The following DNAJC5B variants were observed in gnomAD, a reference collection of about 807,000 sequenced individuals.
DNAJC5B encodes the protein dnaJ homolog subfamily C member 5B.
DNAJC5B carries 23 observed loss-of-function variants against 24.7 expected under a neutral mutation model. The observed-to-expected ratio is 0.93, with a 90% CI of 0.67 to 1.32. The LOEUF is 1.32. Among genes scored for constraint, DNAJC5B ranks in the 40% most tolerant of loss-of-function variants. DNAJC5B has a pLI of 0.00. For missense variants in DNAJC5B, 238 were observed against 240.8 expected, an observed-to-expected ratio of 0.99 and a Z score of 0.08; for synonymous variants, 101 against 90.1, an observed-to-expected ratio of 1.12 and a Z score of -0.68.
intron 1 of DNAJC5B, among the ~76,000 whole-genome samples, chr8:66,043,157 A>C (rs1806650575): frequency 6.6e-6 from 1 of 152,196 alleles, no homozygotes; most frequent in Admixed American, 6.5e-5. Flanking sequence ...TTGGGTTAAT[A>C]AATAGTGAGC....
intron 2 of DNAJC5B, 56 bp downstream of exon 2, chr8:66,043,667 C>T (rs539599396): frequency 1.3e-5 from 2 of 152,140 alleles, no homozygotes; most frequent in African/African-American, 4.8e-5. Context: ...ACATCTATTT[C>T]CAGACCAGTT....
intron 5 of DNAJC5B, among the ~76,000 whole-genome samples, chr8:66,095,161 T>C (rs1338721398): frequency 1.3e-5 from 2 of 152,110 alleles, no homozygotes; most frequent in African/African-American, 4.8e-5. Flanking sequence ...TTGGAGAGTT[T>C]GTGTAATACT....
intron 3 of DNAJC5B, among the ~76,000 whole-genome samples, chr8:66,075,802 G>A (rs1293255619): frequency 2.6e-5 from 4 of 152,164 alleles, no homozygotes; most frequent in Admixed American, 2.6e-4. Flanking sequence ...AAATAGATGT[G>A]ATTTGTTCCA....
At chr8:66,081,988 T>C (rs2128964989) in intron 5 of DNAJC5B, among the ~76,000 whole-genome samples, 1 of 151,966 alleles carries the variant, frequency 6.6e-6, no homozygotes, top group East Asian at 1.9e-4. Flanking sequence ...GGTTAAGGAG[T>C]AATGTATGCA....
chr8:66,057,814 G>T (rs1333286258), intron 3 of DNAJC5B: 1 of 152,216 alleles, frequency 6.6e-6, no homozygotes, highest in East Asian at 1.9e-4. Flanking sequence ...AGAAAATTCT[G>T]TATCTGGTGA....
chr8:66,078,629 T>TG (rs1338470795), intron 4 of DNAJC5B, among the ~76,000 whole-genome samples: 1 of 152,156 alleles, frequency 6.6e-6, no homozygotes, highest in Non-Finnish European at 1.5e-5. Context: ...AGGAGTTTCT[T>TG]GGGGCAATGG....
At chr8:66,032,364 C>A (rs1806378035) in intron 1 of DNAJC5B, among the ~76,000 whole-genome samples, 1 of 152,264 alleles carries the variant, frequency 6.6e-6, no homozygotes, top group Non-Finnish European at 1.5e-5. Context: ...GAAGGCTCCC[C>A]TTTCCTTTGC....
At chr8:66,068,754 T>TA (rs1486139537) in intron 3 of DNAJC5B, among the ~76,000 whole-genome samples, 4 of 152,002 alleles carry the variant, frequency 2.6e-5, no homozygotes. Flanking sequence ...GCAAGTAAAA[T>TA]AAAGACAAAG....
intron 2 of DNAJC5B, among the ~76,000 whole-genome samples, chr8:66,051,250 C>A (rs1373156228): frequency 6.6e-6 from 1 of 152,124 alleles, no homozygotes; most frequent in African/African-American, 2.4e-5. Flanking sequence ...AGGATTGATT[C>A]TCAACAATTC....
At chr8:66,015,075 A>G in the DNAJC5B span, among the ~76,000 whole-genome samples, 3 of 152,208 alleles carry the variant, frequency 2.0e-5, no homozygotes, top group Non-Finnish European at 2.9e-5. Flanking sequence ...GTAAGCCAGA[A>G]ACACAGCTGG....
chr8:66,019,599 A>C (rs886862326), upstream of DNAJC5B, among the ~76,000 whole-genome samples: 1 of 152,254 alleles, frequency 6.6e-6, no homozygotes, highest in Non-Finnish European at 1.5e-5. Context: ...TTAATAATAA[A>C]AAATACCTTT....
At chr8:66,018,761 T>A (rs1474522864), upstream of DNAJC5B, among the ~76,000 whole-genome samples, 7 of 151,910 alleles carry the variant, frequency 4.6e-5, no homozygotes, top group South Asian at 4.1e-4. Context: ...ATAAAGTAGG[T>A]GATTCTGGTG....
At chr8:66,020,626 G>C (rs1806090753), upstream of DNAJC5B, among the ~76,000 whole-genome samples, 2 of 101,152 alleles carry the variant, frequency 2.0e-5, no homozygotes, top group Non-Finnish European at 3.6e-5. Flanking sequence ...GTGTGTGTGT[G>C]TGTGTGTGTG....
At chr8:66,061,791 T>C (rs1807088200) in intron 3 of DNAJC5B, among the ~76,000 whole-genome samples, 1 of 152,150 alleles carries the variant, frequency 6.6e-6, no homozygotes, top group Non-Finnish European at 1.5e-5. Flanking sequence ...AATTTTTAGA[T>C]GCCAAGTTAA....
chr8:66,029,510 A>T (rs1452646855), intron 1 of DNAJC5B, among the ~76,000 whole-genome samples: 1 of 152,218 alleles, frequency 6.6e-6, no homozygotes, highest in Non-Finnish European at 1.5e-5. Flanking sequence ...CAGTGATGAG[A>T]TAACATTTGC....
At position 66,059,927 on chromosome 8, in the gene DNAJC5B, G is replaced by T. The variant is rs964284026; in HGVS notation, c.119+8261G>T. On this transcript the variant is annotated intron_variant, in intron 3 of 5. Coordinates refer to ENST00000276570, the MANE Select transcript of DNAJC5B (RefSeq NM_033105.6). ...GCCAACCTCTCAGTCCCCAAGTCCC[G>T]ACCGCTCCTTCAGGCCCAGAAGCCT... is the stretch of plus-strand genomic sequence containing the variant. Among the ~76,000 whole-genome samples, 4 of 152,156 alleles carry T rather than the reference G, an allele frequency of 2.6e-5. No individual in the cohort carries two copies. The South Asian group carries it at 8.3e-4, about 32-fold the overall frequency.
chr8:66,055,702 G>A (rs1806946733), intron 3 of DNAJC5B, among the ~76,000 whole-genome samples: 1 of 152,198 alleles, frequency 6.6e-6, no homozygotes, highest in Admixed American at 6.5e-5. Context: ...ACTTTGGGAG[G>A]TCAAGGCGGG....
Position 66,044,934 on chromosome 8 carries a change from A to G in DNAJC5B, c.-18+1323A>G, listed in dbSNP as rs1006301127. Among the ~76,000 whole-genome samples the G allele has an allele frequency of 2.0e-5, 3 of 152,330 alleles. No homozygotes were observed. In the East Asian group the frequency reaches 5.8e-4, roughly 29 times the overall value. On this transcript the variant is annotated intron_variant, in intron 2 of 5. Coordinates refer to ENST00000276570, the MANE Select transcript of DNAJC5B (RefSeq NM_033105.6). ...GTTGTATTTTATATAAGGAATTTTA[A>G]AAGGTTATGGGCCCACTATTTAAGG...
At chr8:66,035,286 T>C (rs1806456627) in intron 1 of DNAJC5B, among the ~76,000 whole-genome samples, 1 of 152,244 alleles carries the variant, frequency 6.6e-6, no homozygotes, top group Non-Finnish European at 1.5e-5. Context: ...TACAATCCTG[T>C]TGTGGACTGA....
Sources: allele counts gnomAD v4.1 joint callset (sites outside exome capture counted in the v4.1 genomes callset), GRCh38; gene constraint gnomAD v4.1.1; transcripts MANE v1.5; gene names NCBI Gene and HGNC (gene_info 2026-07-23, HGNC 2026-07-21).